GAK: variants seen among roughly 807,000 people sequenced by gnomAD.
GAK encodes the protein cyclin G associated kinase.
Under a neutral mutation model 143.9 loss-of-function variants are expected in GAK, and 79 were observed. The observed-to-expected ratio is 0.55, with a 90% CI of 0.46 to 0.66. GAK has a LOEUF of 0.66. Ranked by LOEUF, GAK falls within the 30% of genes least tolerant of loss-of-function variation. GAK has a pLI of 0.00. For missense variants in GAK, 1,693 were observed against 1,779.7 expected (o/e 0.95, Z 0.88); for synonymous variants, 881 against 765.5 (o/e 1.15, Z -2.49).
chr4:859,016 C>T (rs537441990), intron 24 of GAK, among the ~76,000 whole-genome samples: 7 of 152,342 alleles, frequency 4.6e-5, no homozygotes, highest in Admixed American at 3.9e-4. Flanking sequence ...ATCCCCCCGC[C>T]GCCGACGCTT....
chr4:924,059 C>T (rs1487761627), intron 1 of GAK, among the ~76,000 whole-genome samples: 1 of 151,536 alleles, frequency 6.6e-6, no homozygotes, highest in African/African-American at 2.4e-5. Flanking sequence ...GTGGTGCATG[C>T]CTTTAATCCC....
In GAK at chr4:890,207, C is replaced by T. The variant is rs1013239679; in HGVS notation, c.1081+325G>A. ...GTCTTGGCCACGGCGCAGGCTGCCT[C>T]CCACATAACCCCTGAGCGAGGCCGC... On this transcript the variant is annotated intron_variant, in intron 10 of 27. Transcript: ENST00000314167. 8.5e-5 allele frequency among the ~76,000 whole-genome samples: 13 copies of T among 152,202 alleles called. No individual in the cohort carries two copies. The South Asian group carries it at 1.0e-3, about 12-fold the overall frequency.
chr4:849,833 G>GGCGCCCCCCCCCC, intron 27 of GAK, 59 bp from the exon 28 acceptor site: 2 of 1,190,156 alleles, frequency 1.7e-6, no homozygotes, highest in Non-Finnish European at 2.3e-6. Flanking sequence ...GGCGGGGCAG[G>GGCGCCCCCCCCCC]ACCCCCCCCC....
chr4:876,986 G>A (rs1714053718), intron 17 of GAK, 104 bp downstream of exon 17: 12 of 769,962 alleles, frequency 1.6e-5, no homozygotes, highest in South Asian at 8.1e-5. Context: ...ACCAAACAGC[G>A]AGCACCCTGG....
intron 1 of GAK, among the ~76,000 whole-genome samples, chr4:916,046 G>C (rs1577305173): frequency 6.6e-6 from 1 of 152,326 alleles, no homozygotes; most frequent in Admixed American, 6.5e-5. Context: ...AAAACCAACT[G>C]TGCTTCCACA....
intron 20 of GAK, among the ~76,000 whole-genome samples, chr4:868,132 TCA>T (rs1279310036): frequency 7.0e-6 from 1 of 143,782 alleles, no homozygotes; most frequent in African/African-American, 2.6e-5. Flanking sequence ...CTGAAAAGCC[TCA>T]GAGGGGCTGG....
At chr4:891,558 C>G (rs1717661133) in intron 9 of GAK, among the ~76,000 whole-genome samples, 1 of 152,122 alleles carries the variant, frequency 6.6e-6, no homozygotes, top group Admixed American at 6.5e-5. Context: ...ACGTCTGTCC[C>G]CACGGGGTCC....
At chr4:896,821 C>T (rs562541652) in intron 6 of GAK, among the ~76,000 whole-genome samples, 18 of 152,356 alleles carry the variant, frequency 1.2e-4, no homozygotes, top group African/African-American at 4.1e-4. Context: ...ATGTCGGCAC[C>T]GACGTATTGG....
intron 22 of GAK, 34 bp downstream of exon 22, chr4:866,330 A>C: frequency 6.2e-7 from 1 of 1,605,538 alleles, no homozygotes; most frequent in Non-Finnish European, 8.5e-7. Context: ...GGAGGCGGCC[A>C]TGGAGAGCTG....
intron 6 of GAK, 91 bp downstream of exon 6, chr4:897,942 A>G: frequency 7.0e-7 from 1 of 1,421,172 alleles, no homozygotes; most frequent in Non-Finnish European, 9.4e-7. Flanking sequence ...AGCGAGACTC[A>G]AAGCACCCCG....
At chr4:898,381 T>C (rs1719213613) in intron 5 of GAK, among the ~76,000 whole-genome samples, 1 of 152,204 alleles carries the variant, frequency 6.6e-6, no homozygotes, top group Non-Finnish European at 1.5e-5. Context: ...AGAGGGGCCC[T>C]GGCGGGTGGG....
intron 9 of GAK, among the ~76,000 whole-genome samples, chr4:891,502 T>C (rs563709006): frequency 6.6e-6 from 1 of 152,292 alleles, no homozygotes; most frequent in South Asian, 2.1e-4. Flanking sequence ...AGCTCCATCA[T>C]GGACTGTGTT....
chr4:920,160 T>A (rs1723681372), intron 1 of GAK, among the ~76,000 whole-genome samples: 1 of 151,716 alleles, frequency 6.6e-6, no homozygotes, highest in Admixed American at 6.6e-5. Context: ...TACAAAAAAT[T>A]AGCCCGGTAT....
intron 6 of GAK, among the ~76,000 whole-genome samples, chr4:896,752 C>T (rs145937710): frequency 7.2e-4 from 109 of 152,406 alleles, no homozygotes; most frequent in African/African-American, 2.2e-3. Context: ...GCGCTCCTTA[C>T]GATGAGGACT....
chr4:849,833 G>GGGGGGGC, intron 27 of GAK, 59 bp from the exon 28 acceptor site: 6 of 1,190,140 alleles, frequency 5.0e-6, no homozygotes, highest in African/African-American at 2.1e-5. Context: ...GGCGGGGCAG[G>GGGGGGGC]ACCCCCCCCC....
intron 4 of GAK, 93 bp from the exon 5 acceptor site, chr4:904,872 T>C: frequency 7.6e-7 from 1 of 1,309,562 alleles, no homozygotes; most frequent in Non-Finnish European, 1.1e-6. Context: ...CAGAACTAAA[T>C]GGAAAGGAAA....
At chr4:895,015 A>AAATAAATAAATAAATAAAT (rs59025740) in intron 7 of GAK, among the ~76,000 whole-genome samples, 1 of 103,992 alleles carries the variant, frequency 9.6e-6, no homozygotes, top group African/African-American at 3.1e-5. Flanking sequence ...ATAAATAAAT[A>AAATAAATAAATAAATAAAT]AAGGTTCCTT....
chr4:919,057 C>T (rs1723504388), intron 1 of GAK, among the ~76,000 whole-genome samples: 1 of 130,538 alleles, frequency 7.7e-6, no homozygotes, highest in African/African-American at 2.9e-5. Flanking sequence ...CTCCAAAGGC[C>T]TCAGTGCCGC....
In GAK at chr4:892,533, G is replaced by A. The variant is rs533792466; in HGVS notation, c.990+844C>T. Among the ~76,000 whole-genome samples, 7 of 152,280 alleles carry A rather than the reference G, an allele frequency of 4.6e-5. No homozygotes were observed. The South Asian group carries it at 1.2e-3, about 27-fold the overall frequency. On this transcript the variant is annotated intron_variant, in intron 9 of 27. Transcript: ENST00000314167. ...AGCCAACACGTGCTGCTCCCTCCCA[G>A]GCCTCACACTTCCACAAAGCACACG...
Sources: allele counts gnomAD v4.1 joint callset (sites outside exome capture counted in the v4.1 genomes callset), GRCh38; gene constraint gnomAD v4.1.1; transcripts MANE v1.5; gene names NCBI Gene and HGNC (gene_info 2026-07-23, HGNC 2026-07-21).